PLXNA2: variants seen among roughly 807,000 people sequenced by gnomAD.
PLXNA2 encodes plexin A2.
In PLXNA2, 91 loss-of-function variants were observed where a neutral mutation model predicts 193.5. That is an observed-to-expected ratio of 0.47 (90% CI 0.40 to 0.56). PLXNA2 has a LOEUF of 0.56. Among genes scored for constraint, PLXNA2 ranks in the 20% least tolerant of loss-of-function variants. PLXNA2 has a pLI of 0.00. For synonymous variants in PLXNA2, 997 were observed against 1,027.3 expected, an observed-to-expected ratio of 0.97 and a Z score of 0.56; for missense variants, 1,995 against 2,503.2, an observed-to-expected ratio of 0.80 and a Z score of 4.33.
chr1:208,149,046 G>A (rs1571969182), intron 3 of PLXNA2, among the ~76,000 whole-genome samples: 2 of 152,168 alleles, frequency 1.3e-5, no homozygotes, highest in South Asian at 2.1e-4. Context: ...AGCATCTGGC[G>A]TCCTCAAATT....
intron 3 of PLXNA2, among the ~76,000 whole-genome samples, chr1:208,174,852 C>T (rs1208367434): frequency 6.6e-6 from 1 of 152,212 alleles, no homozygotes; most frequent in Non-Finnish European, 1.5e-5. Flanking sequence ...GTGGTGGATA[C>T]AAGAGAAATT....
At chr1:208,040,136 C>A in intron 22 of PLXNA2, 78 bp from the exon 23 acceptor site, 1 of 1,174,488 alleles carries the variant, frequency 8.5e-7, no homozygotes, top group East Asian at 2.3e-5. Flanking sequence ...GCCATGAGGT[C>A]TCCCAAGAGA....
At chr1:208,195,639 T>G (rs1392879130) in intron 3 of PLXNA2, among the ~76,000 whole-genome samples, 1 of 100,062 alleles carries the variant, frequency 1.0e-5, no homozygotes, top group Non-Finnish European at 1.9e-5. Context: ...AGGATAGTCA[T>G]AAAATGTTTT....
At position 208,050,994 on chromosome 1, in the gene PLXNA2, C is replaced by T; in HGVS notation, c.3255+15G>A. ...TGTGTTTACCAAAGGCTGGGGCAGA[C>T]CAACAGTTACTCACATTGACAGATT... On this transcript the variant is annotated intron_variant, in intron 17 of 31. Transcript: ENST00000367033. 1 of 1,590,186 alleles carries T rather than the reference C, an allele frequency of 6.3e-7. No individual in the cohort carries two copies. Among genetic ancestry groups the T allele is most frequent in the Non-Finnish European group, 8.6e-7 (1 of 1,158,252 alleles).
At chr1:208,184,429 A>G (rs1240542946) in intron 3 of PLXNA2, among the ~76,000 whole-genome samples, 2 of 152,006 alleles carry the variant, frequency 1.3e-5, no homozygotes, top group Non-Finnish European at 2.9e-5. Flanking sequence ...GCTTAAAAAA[A>G]AAAAAACCAA....
chr1:208,111,386 T>G (rs1341862058), intron 4 of PLXNA2, among the ~76,000 whole-genome samples: 1 of 152,072 alleles, frequency 6.6e-6, no homozygotes, highest in East Asian at 1.9e-4. Context: ...TTTTTAAGCT[T>G]ACTAGGACCA....
At chr1:208,110,439 C>T (rs1571927798) in intron 4 of PLXNA2, among the ~76,000 whole-genome samples, 1 of 152,258 alleles carries the variant, frequency 6.6e-6, no homozygotes, top group East Asian at 1.9e-4. Flanking sequence ...GGTCTCCTGA[C>T]AGCTGGCAGG....
At position 208,028,874 on chromosome 1, in the gene PLXNA2, C is replaced by T; in HGVS notation, c.5394G>A (p.Leu1798=). 1 of 1,614,192 alleles carries T rather than the reference C, an allele frequency of 6.2e-7. No individual in the cohort carries two copies. Among genetic ancestry groups the T allele is most frequent in the Admixed American group, 1.7e-5 (1 of 60,030 alleles). ...AGCTGGGGATGTCCTTGGCATAGAGCAGCTTGTTGGAGGGGGAGTCCTTGC... is the reference window on the plus strand; with the variant it reads ...AGCTGGGGATGTCCTTGGCATAGAGTAGCTTGTTGGAGGGGGAGTCCTTGC... The part of the protein sequence containing the change: ...RLGKDSPSNK[L]LYAKDIPSYK... Residue 1798 remains leucine (L), a synonymous_variant, in exon 30 of 32, where the codon CTG becomes CTA. Coordinates refer to ENST00000367033, the MANE Select transcript of PLXNA2 (RefSeq NM_025179.4). The surrounding 1 kb of genome is among the most constrained non-coding windows in gnomAD (Gnocchi z 4.2).
rs531191993 is a variant in PLXNA2 at position 208,107,459 on chromosome 1, T to G, written c.1507-4212A>C. Among the ~76,000 whole-genome samples the G allele has an allele frequency of 2.3e-4, 35 of 152,146 alleles. 1 individual carries two copies. The highest frequency in any genetic ancestry group is 7.0e-4 in the African/African-American group (29 of 41,490). ...ACTTTATGCCCAGTGAGAAATTGGT[T>G]CTAATCATTCTGCATCTATGAAGTC... On this transcript the variant is annotated intron_variant, in intron 4 of 31. Coordinates refer to ENST00000367033, the MANE Select transcript of PLXNA2 (RefSeq NM_025179.4).
intron 1 of PLXNA2, among the ~76,000 whole-genome samples, chr1:208,229,316 C>G (rs1671614469): frequency 6.6e-6 from 1 of 152,160 alleles, no homozygotes; most frequent in Non-Finnish European, 1.5e-5. Context: ...TCCTATCTCC[C>G]CACTGAATTA....
At chr1:208,133,992 T>C (rs1426168245) in intron 4 of PLXNA2, among the ~76,000 whole-genome samples, 2 of 152,180 alleles carry the variant, frequency 1.3e-5, no homozygotes, top group Non-Finnish European at 2.9e-5. Flanking sequence ...AATACCTATC[T>C]AGAAAGAAAA....
chr1:208,099,116 T>C (rs1667011447), intron 5 of PLXNA2, 147 bp from the exon 6 acceptor site: 7 of 958,534 alleles, frequency 7.3e-6, no homozygotes, highest in Non-Finnish European at 1.1e-5. Context: ...CGGAGGGCCT[T>C]GGTGACTCTC....
chr1:208,031,479 G>T, intron 29 of PLXNA2, 111 bp downstream of exon 29: 1 of 1,427,296 alleles, frequency 7.0e-7, no homozygotes, highest in Non-Finnish European at 9.7e-7. Flanking sequence ...GGATCACCCA[G>T]CCCCAGCCGA....
intron 22 of PLXNA2, among the ~76,000 whole-genome samples, chr1:208,041,265 G>T (rs991214065): frequency 6.6e-6 from 1 of 152,188 alleles, no homozygotes; most frequent in African/African-American, 2.4e-5. Flanking sequence ...CTAGAGGAAG[G>T]CTAAAGAGGA....
intron 14 of PLXNA2, among the ~76,000 whole-genome samples, chr1:208,053,280 C>T (rs372152884): frequency 1.2e-3 from 181 of 152,318 alleles, no homozygotes; most frequent in Non-Finnish European, 1.9e-3. Flanking sequence ...TTCTTTACCC[C>T]TCTGTCAAGT....
intron 31 of PLXNA2, 95 bp downstream of exon 31, chr1:208,027,914 G>A: frequency 8.2e-7 from 1 of 1,217,986 alleles, no homozygotes; most frequent in Non-Finnish European, 1.1e-6. Flanking sequence ...CTGACTCCCT[G>A]AATGTGTTTT....
rs1665250683 is a variant in PLXNA2 at position 208,051,267 on chromosome 1, C to G, written c.3150G>C (p.Trp1050Cys). The G allele has an allele frequency of 1.9e-6, 3 of 1,607,878 alleles. No homozygotes were observed. The highest frequency in any genetic ancestry group is 1.7e-6 in the Non-Finnish European group (2 of 1,175,816). The change falls in exon 16 of 32, where the codon TGG becomes TGC. Residue 1050 changes from tryptophan (W) to cysteine (C), a missense_variant. Physicochemically the swap from Trp to Cys is radical, Grantham distance 215. This residue lies in a region of PLXNA2 where 1,291 missense variants were observed against 1,673.6 expected (regional missense o/e 0.77). Coordinates refer to ENST00000367033, the MANE Select transcript of PLXNA2 (RefSeq NM_025179.4). ...DPRVQRIEPE[W>C]SIASGHTPLT... The stretch of plus-strand genomic sequence containing the variant: ...ACCTTCCACCTCACCTGGCAATGCT[C>G]CACTCTGGCTCGATGCGCTGGACCC...
chr1:208,029,210 G>T, intron 29 of PLXNA2, 168 bp from the exon 30 acceptor site: 1 of 1,433,126 alleles, frequency 7.0e-7, no homozygotes, highest in Non-Finnish European at 9.1e-7. Flanking sequence ...AGCTGTTACT[G>T]ACCTGGGAGA....
chr1:208,232,068 C>G (rs538470176), intron 1 of PLXNA2, among the ~76,000 whole-genome samples: 1 of 152,222 alleles, frequency 6.6e-6, no homozygotes, highest in East Asian at 1.9e-4. Flanking sequence ...GGGCTGGGAG[C>G]TGCTGGCCAT....
Sources: allele counts gnomAD v4.1 joint callset (sites outside exome capture counted in the v4.1 genomes callset), GRCh38; gene constraint gnomAD v4.1.1; regional missense constraint gnomAD v4.1.1; non-coding constraint Gnocchi (gnomAD v3.1); transcripts MANE v1.5; gene names NCBI Gene and HGNC (gene_info 2026-07-23, HGNC 2026-07-21).